The following RAI1 variants were observed in gnomAD, a reference collection of about 807,000 sequenced individuals.
RAI1 encodes retinoic acid induced 1.
RAI1 carries 9 observed loss-of-function variants against 123.8 expected under a neutral mutation model. The ratio of observed to expected loss-of-function variants is 0.07; its 90% CI spans 0.04 to 0.13. RAI1 has a LOEUF of 0.13. RAI1 is among the 10% of genes least tolerant of loss of function. The pLI is 1.00. For missense variants in RAI1, 2,256 were observed against 2,545.8 expected (o/e 0.89, Z 2.45); for synonymous variants, 1,231 against 1,127.3 (o/e 1.09, Z -1.84).
intron 1 of RAI1, among the ~76,000 whole-genome samples, chr17:17,690,008 G>T (rs1914782776): frequency 6.6e-6 from 1 of 152,114 alleles, no homozygotes; most frequent in Admixed American, 6.5e-5. Context: ...GTTGGGGCCT[G>T]ATGCTGGGGA....
At chr17:17,708,402 A>G (rs1915457739) in intron 1 of RAI1, among the ~76,000 whole-genome samples, 1 of 136,968 alleles carries the variant, frequency 7.3e-6, no homozygotes, top group African/African-American at 2.9e-5. Context: ...CTCTTCTCAT[A>G]TATATATATA....
chr17:17,792,882 TCCTCCCCTCCCTCCTTCCCTCCCTC>T (rs2032070579), intron 2 of RAI1, 26 bp from the exon 3 acceptor site: 1 of 432,924 alleles, frequency 2.3e-6, no homozygotes, highest in Non-Finnish European at 4.5e-6. Flanking sequence ...TCCCTGCCCA[TCCTCCCCTCCCTCCTTCCCTCCCTC>T]CCTCCCTTCC....
chr17:17,790,627 TAAAAAA>T (rs2031979420), intron 2 of RAI1, among the ~76,000 whole-genome samples: 1 of 151,616 alleles, frequency 6.6e-6, no homozygotes, highest in Non-Finnish European at 1.5e-5. Context: ...TGAAAAAAAA[TAAAAAA>T]TAAAGCCGTA....
chr17:17,745,014 T>A (rs1367404486), intron 2 of RAI1, among the ~76,000 whole-genome samples: 1 of 152,052 alleles, frequency 6.6e-6, no homozygotes, highest in Non-Finnish European at 1.5e-5. Context: ...GCTCTCACAG[T>A]CCTGGTGGGG....
chr17:17,769,430 C>T (rs757463792), intron 2 of RAI1, among the ~76,000 whole-genome samples: 1 of 152,216 alleles, frequency 6.6e-6, no homozygotes, highest in South Asian at 2.1e-4. Context: ...CCCCGAGGCA[C>T]GGGGGCTCAA....
intron 4 of RAI1, among the ~76,000 whole-genome samples, chr17:17,807,737 C>T (rs764587849): frequency 2.0e-4 from 30 of 152,222 alleles, no homozygotes; most frequent in Non-Finnish European, 3.7e-4. Flanking sequence ...TGGGAGTGCC[C>T]GCAGCTACCC....
At chr17:17,736,021 CTG>C (rs1387182062) in intron 2 of RAI1, among the ~76,000 whole-genome samples, 2 of 151,954 alleles carry the variant, frequency 1.3e-5, no homozygotes, top group Non-Finnish European at 1.5e-5. Context: ...GTGTGTGCAT[CTG>C]TGTATGGTGT....
At chr17:17,731,038 G>T (rs988802764) in intron 2 of RAI1, among the ~76,000 whole-genome samples, 6 of 152,198 alleles carry the variant, frequency 3.9e-5, no homozygotes, top group Non-Finnish European at 8.8e-5. Flanking sequence ...GCTGGGAACT[G>T]CCAGAGCATC....
chr17:17,709,175 G>A (rs575119931), intron 1 of RAI1, among the ~76,000 whole-genome samples: 70 of 152,332 alleles, frequency 4.6e-4, no homozygotes, highest in Middle Eastern at 3.4e-3. Flanking sequence ...GCCGGGCACT[G>A]TGCTGAGAGA....
At chr17:17,757,721 C>A (rs994679468) in intron 2 of RAI1, among the ~76,000 whole-genome samples, 1 of 152,248 alleles carries the variant, frequency 6.6e-6, no homozygotes, top group Non-Finnish European at 1.5e-5. Flanking sequence ...CAGCCCCCGC[C>A]GCAGGCGCCC....
Position 17,800,180 on chromosome 17 carries a change from GTCTC to G in RAI1, c.5565+1712_5565+1715del, listed in dbSNP as rs58147049. ...TCTCTCCTGCTTTCTGTCTCTCTCTGTCTCTCTCTCTCTCTCTCTCTCTCTCTCT... is the reference window on the plus strand; with the variant it reads ...TCTCTCCTGCTTTCTGTCTCTCTCTGTCTCTCTCTCTCTCTCTCTCTCTCT... On this transcript the variant is annotated intron_variant, in intron 3 of 5. Transcript: ENST00000353383. The surrounding 1 kb of genome is among the most constrained non-coding windows in gnomAD (Gnocchi z 4.7). Among the ~76,000 whole-genome samples the G allele has an allele frequency of 0.092, 10,677 of 115,974 alleles. 911 individuals are homozygous for G. Among genetic ancestry groups the G allele is most frequent in the African/African-American group, 0.13 (4,436 of 33,310 alleles). 76.1% of individuals were successfully genotyped at this position (115,974 alleles called of 152,430 possible).
rs374921049 is a variant in RAI1, at chr17:17,797,334, G to T, written c.4386G>T (p.Pro1462=). The change falls in exon 3 of 6, where the codon CCG becomes CCT. Residue 1462 remains proline, a synonymous_variant. Transcript: ENST00000353383. The stretch of plus-strand genomic sequence containing the variant: ...GGGCCCATGGACTCTCCAAAGGCCC[G>T]CTGGAGAAGCGGCCCTATCTTGGCC... ...RAGAHGLSKG[P]LEKRPYLGPA... 2.2e-5 allele frequency: 36 copies of T among 1,612,138 alleles called. No homozygotes were observed. In the Admixed American group the frequency reaches 4.8e-4, roughly 22 times the overall value.
intron 1 of RAI1, among the ~76,000 whole-genome samples, chr17:17,715,552 G>A (rs1358309222): frequency 6.6e-6 from 1 of 152,188 alleles, no homozygotes; most frequent in Non-Finnish European, 1.5e-5. Flanking sequence ...GAGGAGAAGT[G>A]CGAGGAGTGG....
intron 1 of RAI1, among the ~76,000 whole-genome samples, chr17:17,718,629 G>A (rs1443776906): frequency 2.0e-5 from 3 of 152,162 alleles, no homozygotes; most frequent in Non-Finnish European, 4.4e-5. Flanking sequence ...GGAGATATGT[G>A]TGGGCAGTTG....
chr17:17,810,284 C>T lies in RAI1; in HGVS notation c.*303C>T. On this transcript the variant is annotated 3_prime_UTR_variant, in exon 6 of 6. Transcript: ENST00000353383. The surrounding 1 kb of genome is among the most constrained non-coding windows in gnomAD (Gnocchi z 4.6). ...GAGCCCGCGGAGCGGCCAGACTCCC[C>T]GGGGCGCTCAGCCTCCGGCGAGGGT... The T allele has an allele frequency of 2.1e-6, 1 of 472,414 alleles. No individual in the cohort carries two copies. The highest frequency in any genetic ancestry group is 3.7e-6 in the Non-Finnish European group (1 of 268,942). The allele number at this position is 472,414 out of a possible 1,614,324, so 29.3% of individuals were successfully genotyped here.
Position 17,795,891 on chromosome 17 carries a change from G to T in RAI1, c.2943G>T (p.Val981=), listed in dbSNP as rs757813107. 9 of 1,611,680 alleles carry T rather than the reference G, an allele frequency of 5.6e-6. No individual in the cohort carries two copies. Among genetic ancestry groups the T allele is most frequent in the Non-Finnish European group, 7.6e-6 (9 of 1,179,894 alleles). ...CCCAGAAGCCCAACAAGCCTGCTGT[G>T]CCCGAGGCGCCCATCGCAAAGAAAG... ...SLAQKPNKPA[V]PEAPIAKKEP... Residue 981 remains valine, a synonymous_variant, in exon 3 of 6, where the codon GTG becomes GTT. Transcript: ENST00000353383. This position sits in a 1 kb window ranked among gnomAD's most constrained non-coding sequence, Gnocchi z 5.9.
At chr17:17,783,828 C>T (rs1250364298) in intron 2 of RAI1, among the ~76,000 whole-genome samples, 2 of 152,176 alleles carry the variant, frequency 1.3e-5, no homozygotes, top group African/African-American at 2.4e-5. Context: ...CCCTAATTGT[C>T]AGAGCCGGCC....
intron 1 of RAI1, among the ~76,000 whole-genome samples, chr17:17,722,261 A>G (rs1915903818): frequency 6.6e-6 from 1 of 152,152 alleles, no homozygotes; most frequent in Non-Finnish European, 1.5e-5. Flanking sequence ...GCAGCGACGG[A>G]TGGATGGATG....
chr17:17,686,754 C>CCTG (rs921562641), intron 1 of RAI1, among the ~76,000 whole-genome samples: 8 of 151,530 alleles, frequency 5.3e-5, no homozygotes, highest in Non-Finnish European at 2.9e-5. Flanking sequence ...GGGAGAAGTT[C>CCTG]CTGCTGCTGC....
Sources: gnomAD v4.1 joint callset for allele counts (sites outside exome capture counted in the v4.1 genomes callset) on GRCh38, gnomAD v4.1.1 for gene constraint, Gnocchi (gnomAD v3.1) non-coding constraint, MANE v1.5 for transcripts, NCBI Gene and HGNC (gene_info 2026-07-23, HGNC 2026-07-21) for gene names.